Variants in N4BP2L2 observed in about 807,000 individuals in gnomAD.
N4BP2L2 encodes the protein NEDD4 binding protein 2 like 2.
A neutral mutation model predicts 56.2 loss-of-function variants in N4BP2L2; 50 were observed. The ratio of observed to expected loss-of-function variants is 0.89; its 90% CI spans 0.71 to 1.13. The LOEUF (loss-of-function observed/expected upper bound fraction) is 1.13, where lower values mean the gene tolerates loss of function less well. N4BP2L2 is among the 50% of genes most tolerant of loss of function. N4BP2L2 has a pLI of 0.00. For synonymous variants in N4BP2L2, 203 were observed against 223.6 expected (o/e 0.91, Z 0.82); for missense variants, 689 against 693.8 (o/e 0.99, Z 0.08).
chr13:32,528,851 G>T (rs908245030), intron 2 of N4BP2L2, among the ~76,000 whole-genome samples: 1 of 152,122 alleles, frequency 6.6e-6, no homozygotes, highest in African/African-American at 2.4e-5. Flanking sequence ...CCATCCCTCA[G>T]CTTATAATGG....
chr13:32,467,568 G>A (rs909673616), intron 6 of N4BP2L2, among the ~76,000 whole-genome samples: 2 of 151,254 alleles, frequency 1.3e-5, no homozygotes, highest in South Asian at 2.1e-4. Context: ...GTGAGCCATC[G>A]TGCCTGGCCA....
exon 6 of N4BP2L2, chr13:32,510,356 A>C (rs1428730384): frequency 2.0e-5 from 3 of 152,140 alleles, no homozygotes; most frequent in Non-Finnish European, 4.4e-5. Context: ...ATAAAATATT[A>C]AAATTAATTT....
At chr13:32,442,842 A>G (rs774913936) in exon 7 of N4BP2L2, 2 of 1,613,740 alleles carry the variant, frequency 1.2e-6, no homozygotes, top group Admixed American at 1.7e-5. Context: ...TTAAAGGGGT[A>G]GCTTTGATAA....
chr13:32,499,106 C>G (rs975594079), intron 6 of N4BP2L2, among the ~76,000 whole-genome samples: 3 of 152,048 alleles, frequency 2.0e-5, no homozygotes, highest in African/African-American at 7.2e-5. Flanking sequence ...TGCCTACAGG[C>G]CTTCTCCCAT....
At chr13:32,449,912 A>C (rs1250700864) in intron 6 of N4BP2L2, among the ~76,000 whole-genome samples, 1 of 152,210 alleles carries the variant, frequency 6.6e-6, no homozygotes, top group African/African-American at 2.4e-5. Flanking sequence ...AAGTGGAAAA[A>C]AATTTTTTTA....
intron 6 of N4BP2L2, among the ~76,000 whole-genome samples, chr13:32,500,708 A>G (rs2089828621): frequency 6.7e-6 from 1 of 150,066 alleles, no homozygotes; most frequent in Non-Finnish European, 1.5e-5. Flanking sequence ...ACAGACGGAA[A>G]CCGTGTCTCA....
chr13:32,474,427 C>T (rs543966276), intron 6 of N4BP2L2, among the ~76,000 whole-genome samples: 14 of 151,986 alleles, frequency 9.2e-5, no homozygotes, highest in African/African-American at 2.2e-4. Flanking sequence ...CAGTGGCTCA[C>T]GCCTGTAATC....
intron 6 of N4BP2L2, among the ~76,000 whole-genome samples, chr13:32,458,233 T>A (rs1416959480): frequency 6.6e-6 from 1 of 152,074 alleles, no homozygotes; most frequent in East Asian, 1.9e-4. Context: ...CCCAGCTACT[T>A]TTTTGTATTT....
chr13:32,474,416 A>G (rs1273244983), intron 6 of N4BP2L2, among the ~76,000 whole-genome samples: 1 of 151,986 alleles, frequency 6.6e-6, no homozygotes, highest in Non-Finnish European at 1.5e-5. Flanking sequence ...GCGGCCTATC[A>G]CAGTGGCTCA....
intron 6 of N4BP2L2, among the ~76,000 whole-genome samples, chr13:32,504,041 C>T (rs1167669717): frequency 6.6e-6 from 1 of 152,180 alleles, no homozygotes; most frequent in Non-Finnish European, 1.5e-5. Context: ...TCTAAGAATT[C>T]TGAACCTGGG....
intron 4 of N4BP2L2, chr13:32,521,902 G>T: frequency 2.9e-6 from 1 of 340,386 alleles, no homozygotes; most frequent in Non-Finnish European, 5.3e-6. Context: ...CTTCAACTGG[G>T]GAGGCGGAGC....
In N4BP2L2 at chr13:32,462,027, G is replaced by A. The variant is rs529549033; in HGVS notation, c.366-17901C>T. 5.3e-5 allele frequency among the ~76,000 whole-genome samples: 8 copies of A among 152,272 alleles called. No homozygotes were observed. In the South Asian group the frequency reaches 8.3e-4, roughly 16 times the overall value. On this transcript the variant is annotated intron_variant, in intron 6 of 9. Coordinates refer to the N4BP2L2 transcript ENST00000357505. ...TTTAGCACAGCCATTATTGAAAACC[G>A]TATAAATATTTCTCACAGAACTAAA...
intron 7 of N4BP2L2, among the ~76,000 whole-genome samples, chr13:32,439,856 C>CAAA (rs57865081): frequency 1.9e-5 from 2 of 105,326 alleles, no homozygotes; most frequent in African/African-American, 8.1e-5. Flanking sequence ...ATTAAGAATC[C>CAAA]AAAAAAAAAA....
rs774913936 is a variant in N4BP2L2 at position 32,442,842 on chromosome 13, A to C, written c.1650T>G (p.Ala550=). The C allele has an allele frequency of 1.9e-6, 3 of 1,613,622 alleles. No individual in the cohort carries two copies. The African/African-American group carries it at 4.0e-5, about 22-fold the overall frequency. The stretch of plus-strand genomic sequence containing the variant: ...GCTGTCCATCAATATTTAAAGGGGT[A>C]GCTTTGATAATATCAAGGTAAAACC... Residue 550 remains alanine (A), a synonymous_variant, in exon 7 of 10, where the codon GCT becomes GCG. Coordinates refer to the N4BP2L2 transcript ENST00000357505.
intron 6 of N4BP2L2, among the ~76,000 whole-genome samples, chr13:32,451,251 T>C (rs992089410): frequency 6.6e-6 from 1 of 151,684 alleles, no homozygotes; most frequent in African/African-American, 2.4e-5. Context: ...CTGGGCAACA[T>C]AGCAAGATTC....
chr13:32,517,977 T>C (rs1483467449), exon 6 of N4BP2L2: 3 of 1,613,750 alleles, frequency 1.9e-6, no homozygotes, highest in East Asian at 2.2e-5. Context: ...AGCAATCTTC[T>C]TTCGAGACAC....
chr13:32,451,716 A>AT (rs780502313), intron 6 of N4BP2L2, among the ~76,000 whole-genome samples: 1,550 of 133,016 alleles, frequency 0.012, 22 homozygotes, highest in African/African-American at 0.034. Context: ...CTGCCCAGCT[A>AT]TTTTTTTTTT....
At chr13:32,485,240 A>G (rs1433542737) in intron 6 of N4BP2L2, among the ~76,000 whole-genome samples, 1 of 152,240 alleles carries the variant, frequency 6.6e-6, no homozygotes, top group African/African-American at 2.4e-5. Flanking sequence ...AGGAAATCAG[A>G]AGAGTTCCTG....
At chr13:32,521,579 A>C in intron 4 of N4BP2L2, 130 bp from the exon 5 acceptor site, 1 of 618,042 alleles carries the variant, frequency 1.6e-6, no homozygotes, top group Non-Finnish European at 2.8e-6. Context: ...CGCTTTATAA[A>C]ATAATATGGT....
Sources: allele counts gnomAD v4.1 joint callset (sites outside exome capture counted in the v4.1 genomes callset), GRCh38; gene constraint gnomAD v4.1.1; transcripts MANE v1.5; gene names NCBI Gene and HGNC (gene_info 2026-07-23, HGNC 2026-07-21).